TRHDE: variants seen among roughly 807,000 people sequenced by gnomAD.
TRHDE encodes the protein thyrotropin releasing hormone degrading enzyme, also known as thyrotropin-releasing hormone-degrading ectoenzyme.
A neutral mutation model predicts 125.7 loss-of-function variants in TRHDE; 72 were observed. The ratio of observed to expected loss-of-function variants is 0.57; its 90% confidence interval spans 0.47 to 0.70. TRHDE has a LOEUF of 0.70. TRHDE is among the 30% of genes least tolerant of loss of function. The pLI is 0.00. For missense variants in TRHDE, 1,110 were observed against 1,327.1 expected (o/e 0.84, Z 2.54); for synonymous variants, 509 against 509.1 (o/e 1.00, Z 0.00).
At chr12:72,504,258 A>T (rs1878270591) in intron 6 of TRHDE, among the ~76,000 whole-genome samples, 1 of 152,136 alleles carries the variant, frequency 6.6e-6, no homozygotes, top group Admixed American at 6.6e-5. Context: ...GGCTGGAAGA[A>T]TAAGCTGGAT....
In TRHDE at chr12:72,607,512, G is replaced by GT. The variant is rs61268572; in HGVS notation, c.2322-11371dup. Among the ~76,000 whole-genome samples the GT allele has an allele frequency of 2.7e-5, 4 of 150,684 alleles. No homozygotes were observed. The South Asian group carries it at 6.3e-4, about 24-fold the overall frequency. ...TTACTATTTGGCAACCAGTGATACAGTTTTTTTTAAAAAGTCAGAATAAAT... is the reference window on the plus strand; with the variant it reads ...TTACTATTTGGCAACCAGTGATACAGTTTTTTTTTAAAAAGTCAGAATAAAT... On this transcript the variant is annotated intron_variant, in intron 12 of 18. Transcript: ENST00000261180.
intron 2 of TRHDE, among the ~76,000 whole-genome samples, chr12:72,116,331 G>A (rs996208529): frequency 6.6e-6 from 1 of 152,156 alleles, no homozygotes; most frequent in Non-Finnish European, 1.5e-5. Flanking sequence ...ATGTGTGCAT[G>A]TGTCTTTATA....
intron 3 of TRHDE, among the ~76,000 whole-genome samples, chr12:72,392,864 CA>C (rs765023083): frequency 3.9e-5 from 6 of 152,100 alleles, no homozygotes; most frequent in African/African-American, 1.2e-4. Flanking sequence ...ATAACTAGTA[CA>C]TTTTTTTCCT....
At chr12:72,159,136 C>A (rs866048280) in intron 2 of TRHDE, among the ~76,000 whole-genome samples, 1 of 151,958 alleles carries the variant, frequency 6.6e-6, no homozygotes, top group Admixed American at 6.6e-5. Flanking sequence ...TAACATGTAC[C>A]AATCACTAGC....
chr12:72,277,806 A>T (rs1211823163), intron 1 of TRHDE, among the ~76,000 whole-genome samples: 1 of 152,116 alleles, frequency 6.6e-6, no homozygotes. Context: ...TAATAATTAA[A>T]TATACAGTTT....
At position 72,378,063 on chromosome 12, in the gene TRHDE, G is replaced by A. The variant is rs1717593101; in HGVS notation, c.1257G>A (p.Lys419=). The change falls in exon 3 of 19, where the codon AAG becomes AAA. Residue 419 remains lysine, a synonymous_variant. Coordinates refer to ENST00000261180, the MANE Select transcript of TRHDE (RefSeq NM_013381.3). The stretch of plus-strand genomic sequence containing the variant: ...GGGACTATGCTCTCCATATAACAAA[G>A]AGATTAATAGAATTTTATGAAGACT... ...GSGDYALHIT[K]RLIEFYEDYF... The A allele has an allele frequency of 6.2e-7, 1 of 1,606,592 alleles. No homozygotes were observed. Among genetic ancestry groups the A allele is most frequent in the South Asian group, 1.1e-5 (1 of 89,530 alleles).
intron 3 of TRHDE, among the ~76,000 whole-genome samples, chr12:72,451,631 T>C (rs1443773804): frequency 2.0e-5 from 3 of 152,134 alleles, no homozygotes; most frequent in African/African-American, 4.8e-5. Flanking sequence ...TGGGCTCTTC[T>C]GTGGTTTTGT....
chr12:72,648,968 C>T (rs1874393487), intron 15 of TRHDE, among the ~76,000 whole-genome samples: 1 of 151,882 alleles, frequency 6.6e-6, no homozygotes, highest in African/African-American at 2.4e-5. Context: ...AATTGCAATA[C>T]TATCCAAAGC....
intron 2 of TRHDE, among the ~76,000 whole-genome samples, chr12:72,132,327 A>G (rs1592452766): frequency 6.6e-6 from 1 of 152,190 alleles, no homozygotes. Context: ...TGAAGGCTGA[A>G]GGGTTATACC....
chr12:72,345,116 C>T (rs1246142790), intron 2 of TRHDE, among the ~76,000 whole-genome samples: 5 of 152,044 alleles, frequency 3.3e-5, no homozygotes, highest in African/African-American at 7.2e-5. Context: ...GCAACTATTA[C>T]GCTAAATTGT....
intron 1 of TRHDE, among the ~76,000 whole-genome samples, chr12:72,274,285 A>G (rs1879394992): frequency 6.6e-6 from 1 of 152,200 alleles, no homozygotes; most frequent in Admixed American, 6.5e-5. Context: ...GCCTCTGGAG[A>G]TGATTCCAGT....
At chr12:72,404,694 C>T (rs1468957354) in intron 3 of TRHDE, among the ~76,000 whole-genome samples, 1 of 152,120 alleles carries the variant, frequency 6.6e-6, no homozygotes, top group African/African-American at 2.4e-5. Flanking sequence ...AAAGACCTAC[C>T]CTCATGATTC....
intron 3 of TRHDE, among the ~76,000 whole-genome samples, chr12:72,427,573 A>G (rs897853737): frequency 6.6e-6 from 1 of 152,144 alleles, no homozygotes; most frequent in African/African-American, 2.4e-5. Context: ...AGAGAAAAGT[A>G]TCACTACATG....
In TRHDE at chr12:72,520,298, G is replaced by A. The variant is rs547794164; in HGVS notation, c.1722+20663G>A. On this transcript the variant is annotated intron_variant, in intron 6 of 18. Transcript: ENST00000261180. The stretch of plus-strand genomic sequence containing the variant: ...CTGTGCTAGCAATCAGCGAGACTCC[G>A]TGGGCGTAAGACCCTCCGAGCCAGG... Among the ~76,000 whole-genome samples the A allele has an allele frequency of 6.6e-5, 10 of 152,304 alleles. No homozygotes were observed. The East Asian group carries it at 1.4e-3, about 21-fold the overall frequency.
chr12:72,368,723 C>T (rs1226392450), intron 2 of TRHDE, among the ~76,000 whole-genome samples: 1 of 152,062 alleles, frequency 6.6e-6, no homozygotes, highest in Non-Finnish European at 1.5e-5. Flanking sequence ...AATAAATGTC[C>T]CATTGATGAA....
chr12:72,336,613 G>A (rs545619635), intron 2 of TRHDE, among the ~76,000 whole-genome samples: 35 of 152,292 alleles, frequency 2.3e-4, no homozygotes, highest in African/African-American at 6.7e-4. Context: ...CAGTAGAAGC[G>A]TATTTGGCTC....
intron 15 of TRHDE, among the ~76,000 whole-genome samples, chr12:72,639,683 G>A (rs454435): frequency 0.86 from 120,687 of 140,720 alleles, 51,582 homozygotes; most frequent in East Asian, 0.95. Context: ...GGTTTTTGGT[G>A]TGGATGTCCT....
chr12:72,273,426 C>T lies in TRHDE; in HGVS notation c.783C>T (p.Val261=). The change falls in exon 1 of 19, where the codon GTC becomes GTT. Residue 261 remains valine (V), a synonymous_variant. Coordinates refer to ENST00000261180, the MANE Select transcript of TRHDE (RefSeq NM_013381.3). The surrounding 1 kb of genome is among the most constrained non-coding windows in gnomAD (Gnocchi z 5.3). The part of the protein sequence containing the change: ...AGFFLYPQTQ[V]LVVVLNRTLD... ...TTTTCCTCTACCCGCAAACCCAGGT[C>T]TTAGTGGTGGTGCTGAATAGGACAC... The T allele has an allele frequency of 6.2e-7, 1 of 1,614,140 alleles. No individual in the cohort carries two copies. The highest frequency in any genetic ancestry group is 1.6e-4 in the Middle Eastern group (1 of 6,062).
intron 2 of TRHDE, among the ~76,000 whole-genome samples, chr12:72,261,505 T>C (rs1878949867): frequency 1.3e-5 from 2 of 152,190 alleles, no homozygotes; most frequent in African/African-American, 4.8e-5. Context: ...ATCTGTGATA[T>C]TTACCTACTG....
Sources: gnomAD v4.1 joint callset for allele counts (sites outside exome capture counted in the v4.1 genomes callset) on GRCh38, gnomAD v4.1.1 for gene constraint, Gnocchi (gnomAD v3.1) non-coding constraint, MANE v1.5 for transcripts, NCBI Gene and HGNC (gene_info 2026-07-23, HGNC 2026-07-21) for gene names.